ARID5B: variants seen among roughly 807,000 people sequenced by gnomAD.
ARID5B encodes AT-rich interactive domain-containing protein 5B.
ARID5B carries 13 observed loss-of-function variants against 97.2 expected under a neutral mutation model. The observed-to-expected ratio is 0.13, with a 90% confidence interval of 0.09 to 0.21. The LOEUF is 0.21. Ranked by LOEUF, ARID5B falls within the 10% of genes least tolerant of loss-of-function variation. The pLI is 1.00. For synonymous variants in ARID5B, 556 were observed against 570.3 expected (o/e 0.97, Z 0.36); for missense variants, 1,210 against 1,465.3 (o/e 0.83, Z 2.84).
rs1844043868 is a variant in ARID5B at position 61,923,019 on chromosome 10, AATGGAAATTGATTT to A, written c.277-17159_277-17146del. On this transcript the variant is annotated intron_variant, in intron 2 of 9. Coordinates refer to ENST00000279873, the MANE Select transcript of ARID5B (RefSeq NM_032199.3). ...TCAGTGATACTGGTTAATTTTTAAT[AATGGAAATTGATTT>A]ATGGGGTGGCTTCCATGTTAAACCT... 1.3e-5 allele frequency among the ~76,000 whole-genome samples: 2 copies of A among 152,184 alleles called. 1 individual carries two copies. Among genetic ancestry groups the A allele is most frequent in the South Asian group, 4.1e-4 (2 of 4,830 alleles).
At chr10:61,960,231 T>C (rs1838451936) in intron 3 of ARID5B, among the ~76,000 whole-genome samples, 1 of 152,240 alleles carries the variant, frequency 6.6e-6, no homozygotes, top group South Asian at 2.1e-4. Context: ...CTCTACTGTC[T>C]GGACAGCATG....
chr10:61,902,679 G>C (rs1467235966), intron 2 of ARID5B, among the ~76,000 whole-genome samples: 2 of 148,240 alleles, frequency 1.3e-5, no homozygotes, highest in Non-Finnish European at 3.0e-5. Flanking sequence ...AAGGATGTGT[G>C]TGTGTGTGTG....
At chr10:61,998,436 C>T (rs774993294) in intron 3 of ARID5B, among the ~76,000 whole-genome samples, 4 of 152,104 alleles carry the variant, frequency 2.6e-5, no homozygotes, top group Admixed American at 6.5e-5. Flanking sequence ...GGGGTGGTTG[C>T]GGAGTGATGG....
chr10:61,918,917 C>T (rs1843956913), intron 2 of ARID5B, among the ~76,000 whole-genome samples: 1 of 151,910 alleles, frequency 6.6e-6, no homozygotes, highest in Non-Finnish European at 1.5e-5. Flanking sequence ...ACCTGTAATC[C>T]CAGCTACTCA....
intron 2 of ARID5B, among the ~76,000 whole-genome samples, chr10:61,917,487 C>T (rs1843931253): frequency 6.6e-6 from 1 of 152,110 alleles, no homozygotes; most frequent in Non-Finnish European, 1.5e-5. Context: ...CACCACCACG[C>T]CCGGCTAATT....
intron 9 of ARID5B, 23 bp from the exon 10 acceptor site, chr10:62,090,839 T>C (rs1385332615): frequency 2.0e-6 from 3 of 1,537,534 alleles, no homozygotes; most frequent in Non-Finnish European, 2.6e-6. Flanking sequence ...TTCTTCTGAC[T>C]GTCTTTTGAA....
intron 4 of ARID5B, among the ~76,000 whole-genome samples, chr10:62,045,456 T>A (rs561678212): frequency 8.0e-4 from 121 of 151,978 alleles, no homozygotes; most frequent in African/African-American, 2.8e-3. Context: ...TATTTTTTTT[T>A]TTTTTTTTTA....
At chr10:62,087,264 A>G (rs1386518114) in intron 9 of ARID5B, among the ~76,000 whole-genome samples, 1 of 118,722 alleles carries the variant, frequency 8.4e-6, no homozygotes, top group Non-Finnish European at 1.6e-5. Flanking sequence ...AGGCCACTGC[A>G]CTCCAGCCTG....
chr10:61,972,225 C>CTTTTT (rs71022106), intron 3 of ARID5B, among the ~76,000 whole-genome samples: 9 of 112,682 alleles, frequency 8.0e-5, no homozygotes, highest in Non-Finnish European at 1.6e-4. Context: ...TTATATCATG[C>CTTTTT]TTTTTTTTTT....
At chr10:61,957,465 C>T (rs959062711) in intron 3 of ARID5B, among the ~76,000 whole-genome samples, 3 of 152,194 alleles carry the variant, frequency 2.0e-5, no homozygotes, top group African/African-American at 7.2e-5. Context: ...GACAGGGTTT[C>T]ACCATTTTGG....
In ARID5B at chr10:62,093,342, A is replaced by T. The variant is rs965402519; in HGVS notation, c.*312A>T. ...ATCCAGGAAGAACTTAGAGGACCCC[A>T]TCTGAGTTCGGATGGTCAGGAAACA... On this transcript the variant is annotated 3_prime_UTR_variant, in exon 10 of 10. Coordinates refer to ENST00000279873, the MANE Select transcript of ARID5B (RefSeq NM_032199.3). 9.8e-6 allele frequency: 3 copies of T among 306,682 alleles called. No individual in the cohort carries two copies. The highest frequency in any genetic ancestry group is 1.8e-5 in the Non-Finnish European group (3 of 165,952). The allele number at this position is 306,682 out of a possible 1,614,324, so 19.0% of individuals were successfully genotyped here.
Position 62,078,533 on chromosome 10 carries a change from C to G in ARID5B, c.1200-7169C>G, listed in dbSNP as rs113651346. 3.3e-3 allele frequency among the ~76,000 whole-genome samples: 506 copies of G among 152,306 alleles called. 3 individuals are homozygous for G. The highest frequency in any genetic ancestry group is 0.011 in the African/African-American group (474 of 41,562). ...GCCCTTGAAATGGATCCATACAACT[C>G]AATTCTGAAGTCATTGGGCTTTTTT... On this transcript the variant is annotated intron_variant, in intron 8 of 9. Transcript: ENST00000279873.
chr10:61,999,469 A>C (rs768848781), intron 3 of ARID5B, among the ~76,000 whole-genome samples: 2 of 152,134 alleles, frequency 1.3e-5, no homozygotes, highest in Non-Finnish European at 2.9e-5. Flanking sequence ...AACACAGTAC[A>C]CTGTAGAGTA....
intron 4 of ARID5B, among the ~76,000 whole-genome samples, chr10:62,047,942 C>T (rs1412589932): frequency 2.0e-5 from 3 of 152,166 alleles, no homozygotes; most frequent in East Asian, 1.9e-4. Context: ...CCCCCCACCC[C>T]GTACTTTGAA....
At chr10:61,911,022 C>T (rs1405029634) in intron 2 of ARID5B, among the ~76,000 whole-genome samples, 1 of 152,114 alleles carries the variant, frequency 6.6e-6, no homozygotes, top group Non-Finnish European at 1.5e-5. Flanking sequence ...TCTTTTCCCC[C>T]ACCTTTCTTT....
At position 62,096,274 on chromosome 10, in the gene ARID5B, G is replaced by A. The variant is rs1252590578; in HGVS notation, c.*3244G>A. ...TGTATTTCACTGTGTTGGTGTGTCTGATGGAAATTTCGAGGTGGTCCCACA... is the reference window on the plus strand; with the variant it reads ...TGTATTTCACTGTGTTGGTGTGTCTAATGGAAATTTCGAGGTGGTCCCACA... On this transcript the variant is annotated 3_prime_UTR_variant, in exon 10 of 10. Coordinates refer to ENST00000279873, the MANE Select transcript of ARID5B (RefSeq NM_032199.3). 1.3e-5 allele frequency: 3 copies of A among 233,566 alleles called. No homozygotes were observed. The highest frequency in any genetic ancestry group is 6.6e-5 in the African/African-American group (3 of 45,330). 14.5% of individuals were successfully genotyped at this position (233,566 alleles called of 1,614,324 possible). A position where few individuals can be genotyped will look rare whatever the true frequency, so the allele number is the denominator to read the frequency against.
In ARID5B at chr10:62,092,589, G is replaced by A. The variant is rs553325752; in HGVS notation, c.3126G>A (p.Gly1042=). The A allele has an allele frequency of 3.5e-5, 57 of 1,614,204 alleles. 1 individual carries two copies. The South Asian group carries it at 6.0e-4, about 17-fold the overall frequency. ...SPLDPSKEVS[G]KEKASEQESE... is the part of the protein sequence containing the mutation. The stretch of plus-strand genomic sequence containing the variant: ...TAGACCCATCCAAGGAGGTCTCTGG[G>A]AAGGAGAAGGCCTCTGAGCAGGAGA... The change falls in exon 10 of 10, where the codon GGG becomes GGA. Residue 1042 remains glycine, a synonymous_variant. Transcript: ENST00000279873.
intron 9 of ARID5B, among the ~76,000 whole-genome samples, chr10:62,088,615 G>T (rs778412194): frequency 6.6e-6 from 1 of 152,164 alleles, no homozygotes; most frequent in Non-Finnish European, 1.5e-5. Flanking sequence ...TCATGATGAG[G>T]TTATCTAAAC....
At chr10:61,961,566 T>G (rs1838470965) in intron 3 of ARID5B, among the ~76,000 whole-genome samples, 1 of 152,126 alleles carries the variant, frequency 6.6e-6, no homozygotes, top group South Asian at 2.1e-4. Flanking sequence ...ACCGTGCACC[T>G]GCCCTTTTCG....
Sources: allele counts gnomAD v4.1 joint callset (sites outside exome capture counted in the v4.1 genomes callset), GRCh38; gene constraint gnomAD v4.1.1; transcripts MANE v1.5; gene names NCBI Gene and HGNC (gene_info 2026-07-23, HGNC 2026-07-21).